The following CSMD1 variants were observed in gnomAD, a reference collection of about 807,000 sequenced individuals.
CSMD1 encodes CUB and sushi domain-containing protein 1.
CSMD1 carries 213 observed loss-of-function variants against 417.5 expected under a neutral mutation model. That is an observed-to-expected ratio of 0.51 (90% confidence interval 0.46 to 0.57). CSMD1 has a LOEUF of 0.57. Among genes scored for constraint, CSMD1 ranks in the 20% least tolerant of loss-of-function variants. The pLI is 0.00. For missense variants in CSMD1, 6,923 were observed against 4,529.7 expected (o/e 1.53, Z -15.17); for synonymous variants, 2,862 against 1,736.8 (o/e 1.65, Z -16.11).
intron 7 of CSMD1, among the ~76,000 whole-genome samples, chr8:3,638,998 C>G (rs935996969): frequency 2.0e-5 from 3 of 152,232 alleles, no homozygotes; most frequent in African/African-American, 7.2e-5. Flanking sequence ...GCATTCTTAA[C>G]TCCCTGAAGT....
At chr8:4,788,417 C>A in intron 1 of CSMD1, 2 of 1,341,716 alleles carry the variant, frequency 1.5e-6, no homozygotes, top group Middle Eastern at 1.8e-4. Context: ...TTTGACTACC[C>A]AGGGTCTTGG....
intron 3 of CSMD1, among the ~76,000 whole-genome samples, chr8:4,336,726 A>G (rs1800195895): frequency 6.6e-6 from 1 of 152,094 alleles, no homozygotes; most frequent in African/African-American, 2.4e-5. Context: ...TCTAGGATCC[A>G]ATTACTCTGA....
At chr8:3,787,810 C>T (rs778701938) in intron 5 of CSMD1, among the ~76,000 whole-genome samples, 1 of 152,108 alleles carries the variant, frequency 6.6e-6, no homozygotes, top group Non-Finnish European at 1.5e-5. Context: ...TTTAAATGTG[C>T]TGGAATAAGA....
chr8:4,564,036 C>T (rs1798472796), intron 2 of CSMD1, among the ~76,000 whole-genome samples: 2 of 152,050 alleles, frequency 1.3e-5, no homozygotes, highest in Non-Finnish European at 2.9e-5. Context: ...CTCATGGAAG[C>T]CCAGTTAGCG....
intron 1 of CSMD1, among the ~76,000 whole-genome samples, chr8:4,892,882 T>G (rs1252947742): frequency 6.6e-6 from 1 of 152,194 alleles, no homozygotes; most frequent in Non-Finnish European, 1.5e-5. Flanking sequence ...GGCATTAGAC[T>G]GTTTTCCCTT....
chr8:3,175,499 G>GCCTT (rs1563111631), intron 37 of CSMD1, among the ~76,000 whole-genome samples: 23 of 94,620 alleles, frequency 2.4e-4, no homozygotes, highest in African/African-American at 9.8e-4. Context: ...CTGCCTGCCT[G>GCCTT]CCTGCCTGCC....
chr8:3,264,661 C>G (rs1016839377), intron 26 of CSMD1, among the ~76,000 whole-genome samples: 1 of 152,116 alleles, frequency 6.6e-6, no homozygotes, highest in African/African-American at 2.4e-5. Context: ...AAGTACTCAT[C>G]AAAACTGTGG....
intron 1 of CSMD1, among the ~76,000 whole-genome samples, chr8:4,706,022 C>T (rs1298534592): frequency 6.8e-6 from 1 of 147,338 alleles, no homozygotes; most frequent in African/African-American, 2.4e-5. Flanking sequence ...TAAAAATAAA[C>T]AGTAATGTAT....
Position 3,569,060 on chromosome 8 carries a change from C to T in CSMD1, c.1344+5885G>A, listed in dbSNP as rs139944044. Among the ~76,000 whole-genome samples, 1,275 of 152,216 alleles carry T rather than the reference C, an allele frequency of 8.4e-3. 13 individuals are homozygous for T. The highest frequency in any genetic ancestry group is 0.026 in the African/African-American group (1,081 of 41,514). ...GTGTCTACAATAAAACATATTTATA[C>T]ATATCATATAATATTACTTTGCATT... On this transcript the variant is annotated intron_variant, in intron 10 of 69. Transcript: ENST00000635120.
intron 2 of CSMD1, among the ~76,000 whole-genome samples, chr8:4,608,073 T>C (rs1336677986): frequency 2.6e-5 from 4 of 152,062 alleles, no homozygotes; most frequent in Non-Finnish European, 4.4e-5. Context: ...TGGGAGGAGA[T>C]GGTGCTTGGT....
intron 6 of CSMD1, among the ~76,000 whole-genome samples, chr8:3,721,649 G>A (rs1460861990): frequency 2.0e-5 from 3 of 151,980 alleles, no homozygotes; most frequent in Non-Finnish European, 4.4e-5. Flanking sequence ...CCTTTATTTT[G>A]CTGTTTTCCT....
chr8:3,909,187 T>G (rs907171672), intron 5 of CSMD1, among the ~76,000 whole-genome samples: 1 of 152,076 alleles, frequency 6.6e-6, no homozygotes, highest in East Asian at 1.9e-4. Context: ...TAGCTAAGAT[T>G]TGTGGATGTG....
At chr8:4,451,839 G>C (rs117803043) in intron 2 of CSMD1, among the ~76,000 whole-genome samples, 1 of 151,790 alleles carries the variant, frequency 6.6e-6, no homozygotes, top group African/African-American at 2.4e-5. Flanking sequence ...TTTTGTTTAC[G>C]TAATTCACTC....
At chr8:3,356,961 C>A (rs1406555595) in intron 21 of CSMD1, among the ~76,000 whole-genome samples, 1 of 152,012 alleles carries the variant, frequency 6.6e-6, no homozygotes, top group Admixed American at 6.6e-5. Context: ...AGAGAGCATT[C>A]TGGGAGCTGC....
chr8:4,398,533 A>G (rs903189351), intron 3 of CSMD1, among the ~76,000 whole-genome samples: 5 of 151,684 alleles, frequency 3.3e-5, no homozygotes, highest in Admixed American at 2.0e-4. Context: ...AGGTGGGACT[A>G]CAGGCGCCCG....
intron 7 of CSMD1, among the ~76,000 whole-genome samples, chr8:3,627,682 T>C (rs923778503): frequency 3.3e-5 from 5 of 152,220 alleles, no homozygotes; most frequent in South Asian, 2.1e-4. Flanking sequence ...CAATGTTTTA[T>C]GGTAAGCACG....
At chr8:4,145,196 G>A (rs1388756247) in intron 3 of CSMD1, among the ~76,000 whole-genome samples, 4 of 150,990 alleles carry the variant, frequency 2.6e-5, no homozygotes, top group South Asian at 4.1e-4. Context: ...ACTAGTACGT[G>A]TTTATATTGA....
At chr8:3,798,811 G>T (rs192460867) in intron 5 of CSMD1, among the ~76,000 whole-genome samples, 1 of 151,030 alleles carries the variant, frequency 6.6e-6, no homozygotes, top group Admixed American at 6.6e-5. Flanking sequence ...TTATAAATTC[G>T]TGTTGGTTGA....
chr8:3,303,690 A>C (rs1313286403), intron 25 of CSMD1, among the ~76,000 whole-genome samples: 1 of 152,218 alleles, frequency 6.6e-6, no homozygotes, highest in Non-Finnish European at 1.5e-5. Flanking sequence ...TAATGTTGCT[A>C]GCTGAAGAAG....
Sources: gnomAD v4.1 joint callset for allele counts (sites outside exome capture counted in the v4.1 genomes callset) on GRCh38, gnomAD v4.1.1 for gene constraint, MANE v1.5 for transcripts, NCBI Gene and HGNC (gene_info 2026-07-23, HGNC 2026-07-21) for gene names.